Variants in DNAJC6 observed in about 807,000 individuals in gnomAD.
The protein encoded by DNAJC6 is auxilin.
DNAJC6 carries 34 observed loss-of-function variants against 110.0 expected under a neutral mutation model. The observed-to-expected ratio is 0.31, with a 90% CI of 0.24 to 0.41. The LOEUF is 0.41. Among genes scored for constraint, DNAJC6 ranks in the 10% least tolerant of loss-of-function variants. DNAJC6 has a pLI of 1.00. For missense variants in DNAJC6, 1,031 were observed against 1,207.8 expected, an observed-to-expected ratio of 0.85 and a Z score of 2.17; for synonymous variants, 406 against 437.2, an observed-to-expected ratio of 0.93 and a Z score of 0.89.
intron 4 of DNAJC6, among the ~76,000 whole-genome samples, chr1:65,375,996 CA>C (rs1645763114): frequency 6.6e-6 from 1 of 152,168 alleles, no homozygotes; most frequent in Non-Finnish European, 1.5e-5. Context: ...TGGTAGAATA[CA>C]GCAGTGAATC....
intron 1 of DNAJC6, among the ~76,000 whole-genome samples, chr1:65,339,426 G>A (rs147796345): frequency 5.9e-5 from 9 of 152,286 alleles, no homozygotes; most frequent in African/African-American, 2.2e-4. Flanking sequence ...GAGCCTCTAT[G>A]TCTATTTCTA....
intron 4 of DNAJC6, 23 bp from the exon 5 acceptor site, chr1:65,379,379 T>G (rs1199470896): frequency 1.2e-6 from 2 of 1,612,684 alleles, no homozygotes; most frequent in East Asian, 2.2e-5. Flanking sequence ...AGGAATTAAT[T>G]TCCTTTTGCT....
intron 1 of DNAJC6, among the ~76,000 whole-genome samples, chr1:65,278,143 G>A (rs112250693): frequency 1.6e-3 from 243 of 152,256 alleles, no homozygotes; most frequent in African/African-American, 5.6e-3. Flanking sequence ...CCCAGGTTGC[G>A]CGCTGCGTTT....
intron 1 of DNAJC6, among the ~76,000 whole-genome samples, chr1:65,274,829 G>C (rs1390994186): frequency 6.6e-6 from 1 of 151,824 alleles, no homozygotes; most frequent in Non-Finnish European, 1.5e-5. Flanking sequence ...ACTTTCTTTT[G>C]GATTAATCAA....
chr1:65,395,664 A>G (rs1645969480), intron 13 of DNAJC6, among the ~76,000 whole-genome samples: 1 of 152,318 alleles, frequency 6.6e-6, no homozygotes, highest in South Asian at 2.1e-4. Context: ...TAATATATTG[A>G]ACATACTGGG....
chr1:65,408,505 C>A, intron 16 of DNAJC6, 136 bp from the exon 17 acceptor site: 4 of 933,122 alleles, frequency 4.3e-6, no homozygotes, highest in African/African-American at 1.7e-5. Flanking sequence ...ACCCTACTCA[C>A]AGGGTAAGCA....
At chr1:65,410,626 T>A (rs1183757775) in intron 17 of DNAJC6, among the ~76,000 whole-genome samples, 1 of 152,224 alleles carries the variant, frequency 6.6e-6, no homozygotes, top group East Asian at 1.9e-4. Context: ...GATACAGTTT[T>A]ATGATCCCTC....
At position 65,287,538 on chromosome 1, in the gene DNAJC6, A is replaced by C. The variant is rs1248610234; in HGVS notation, c.-131+22606A>C. 3.9e-5 allele frequency among the ~76,000 whole-genome samples: 6 copies of C among 152,292 alleles called. No homozygotes were observed. The East Asian group carries it at 9.7e-4, about 24-fold the overall frequency. On this transcript the variant is annotated intron_variant, in intron 1 of 19. Coordinates refer to the DNAJC6 transcript ENST00000263441. ...ACTAGGTCCATTTTATTAAGCTTCAAGAGATTGAATGAAGAACAATCACTC... is the reference window on the plus strand; with the variant it reads ...ACTAGGTCCATTTTATTAAGCTTCACGAGATTGAATGAAGAACAATCACTC...
At chr1:65,407,040 T>C (rs1051443443) in intron 16 of DNAJC6, among the ~76,000 whole-genome samples, 1 of 152,208 alleles carries the variant, frequency 6.6e-6, no homozygotes, top group Admixed American at 6.5e-5. Context: ...TTCAGTTACC[T>C]GAGGTCAACT....
At chr1:65,323,570 TA>T (rs1019542759) in intron 1 of DNAJC6, among the ~76,000 whole-genome samples, 35 of 152,126 alleles carry the variant, frequency 2.3e-4, no homozygotes, top group African/African-American at 8.4e-4. Context: ...GATGTGAAAC[TA>T]GATTAATACA....
chr1:65,332,646 T>A (rs1350357064), intron 1 of DNAJC6, among the ~76,000 whole-genome samples: 1 of 152,188 alleles, frequency 6.6e-6, no homozygotes, highest in Non-Finnish European at 1.5e-5. Context: ...GGAAAAATGA[T>A]CAGTGTCCTT....
chr1:65,383,643 T>A (rs755401757), intron 5 of DNAJC6, among the ~76,000 whole-genome samples: 3 of 152,150 alleles, frequency 2.0e-5, no homozygotes, highest in Non-Finnish European at 4.4e-5. Flanking sequence ...TCCCCAAAGC[T>A]CCACCTCCTA....
intron 1 of DNAJC6, among the ~76,000 whole-genome samples, chr1:65,341,244 G>A (rs545351739): frequency 7.2e-5 from 11 of 152,268 alleles, no homozygotes; most frequent in Admixed American, 3.3e-4. Flanking sequence ...TAAGCTAGCC[G>A]TGGCCCTAGT....
At chr1:65,355,796 A>G (rs1464227891) in intron 1 of DNAJC6, among the ~76,000 whole-genome samples, 1 of 151,720 alleles carries the variant, frequency 6.6e-6, no homozygotes, top group African/African-American at 2.4e-5. Context: ...TAGCTTGGAT[A>G]CACCAATAGG....
At chr1:65,399,416 G>A (rs1646009298) in intron 14 of DNAJC6, among the ~76,000 whole-genome samples, 1 of 152,126 alleles carries the variant, frequency 6.6e-6, no homozygotes, top group African/African-American at 2.4e-5. Flanking sequence ...GAGCTGTCTT[G>A]TGTGACTGCT....
At chr1:65,269,367 C>CA (rs78150700) in intron 1 of DNAJC6, among the ~76,000 whole-genome samples, 2,055 of 99,982 alleles carry the variant, frequency 0.021, 34 homozygotes, top group African/African-American at 0.053. Context: ...GACCCTGTCT[C>CA]AAAAAAAAAA....
intron 4 of DNAJC6, among the ~76,000 whole-genome samples, chr1:65,367,049 A>G (rs1444124862): frequency 6.6e-6 from 1 of 152,146 alleles, no homozygotes; most frequent in Admixed American, 6.6e-5. Context: ...CACACACAAG[A>G]AAATTGGTGT....
Position 65,322,370 on chromosome 1 carries a change from C to T in DNAJC6, c.193+12432C>T, listed in dbSNP as rs540845847. On this transcript the variant is annotated intron_variant, in intron 1 of 18. Coordinates refer to ENST00000371069, the MANE Select transcript of DNAJC6 (RefSeq NM_001256864.2). ...ATGGATTCTTGCATATTCACATATA[C>T]ATACATCCAATCATATATATAATGT... Among the ~76,000 whole-genome samples, 4 of 152,274 alleles carry T rather than the reference C, an allele frequency of 2.6e-5. No homozygotes were observed. In the South Asian group the frequency reaches 6.2e-4, roughly 24 times the overall value.
At chr1:65,393,424 G>A (rs961565346) in intron 12 of DNAJC6, among the ~76,000 whole-genome samples, 4 of 152,086 alleles carry the variant, frequency 2.6e-5, no homozygotes, top group Admixed American at 1.3e-4. Context: ...TTCCTATAAC[G>A]GCTTCCTGAA....
Sources: allele counts gnomAD v4.1 joint callset (sites outside exome capture counted in the v4.1 genomes callset), GRCh38; gene constraint gnomAD v4.1.1; transcripts MANE v1.5; gene names NCBI Gene and HGNC (gene_info 2026-07-23, HGNC 2026-07-21).